TEC: variants seen among roughly 807,000 people sequenced by gnomAD.
TEC encodes the protein tyrosine-protein kinase Tec.
A neutral mutation model predicts 93.0 loss-of-function variants in TEC; 72 were observed. The observed-to-expected ratio is 0.77, with a 90% CI of 0.64 to 0.94. The LOEUF (loss-of-function observed/expected upper bound fraction) is 0.94, where lower values mean the gene tolerates loss of function less well. Among genes scored for constraint, TEC ranks in the 40% least tolerant of loss-of-function variants. The pLI, the probability that TEC is intolerant of heterozygous loss-of-function variation, is 0.00. For synonymous variants in TEC, 249 were observed against 247.7 expected (o/e 1.01, Z -0.05); for missense variants, 630 against 757.9 (o/e 0.83, Z 1.98).
intron 1 of TEC, among the ~76,000 whole-genome samples, chr4:48,234,407 T>C (rs751636941): frequency 1.2e-4 from 18 of 151,988 alleles, no homozygotes; most frequent in Non-Finnish European, 2.4e-4. Flanking sequence ...CCTCCCCCAA[T>C]AGATGATGAA....
intron 1 of TEC, among the ~76,000 whole-genome samples, chr4:48,260,307 G>A (rs1377517483): frequency 2.0e-5 from 3 of 152,176 alleles, no homozygotes; most frequent in Non-Finnish European, 4.4e-5. Context: ...AAATCAGTCA[G>A]GTGTGGTGGC....
chr4:48,169,013 GAC>G (rs1720993099), intron 5 of TEC, among the ~76,000 whole-genome samples: 1 of 152,168 alleles, frequency 6.6e-6, no homozygotes, highest in Non-Finnish European at 1.5e-5. Context: ...AGTTTTGGCT[GAC>G]ACATGGCTAC....
At chr4:48,224,415 C>T (rs543934807) in intron 2 of TEC, among the ~76,000 whole-genome samples, 100 of 152,168 alleles carry the variant, frequency 6.6e-4, no homozygotes, top group African/African-American at 2.4e-3. Flanking sequence ...AACTCCAGTG[C>T]TGCTCTTCCT....
chr4:48,194,231 T>C (rs969494562), intron 2 of TEC, among the ~76,000 whole-genome samples: 1 of 152,236 alleles, frequency 6.6e-6, no homozygotes, highest in Non-Finnish European at 1.5e-5. Context: ...ACCCTGCCTA[T>C]ATCTAGCCAG....
chr4:48,262,201 C>CT lies in TEC; in HGVS notation c.-46+7550dup, dbSNP rs10659576. ...CTTGGGTAATTGTGACCAAATGTCT[C>CT]TTTTTTTTTTTTTGAGACGGAGTCT... On this transcript the variant is annotated intron_variant, in intron 1 of 17. Transcript: ENST00000381501. Among the ~76,000 whole-genome samples, 13 of 80,218 alleles carry CT rather than the reference C, an allele frequency of 1.6e-4. 1 individual carries two copies. Among genetic ancestry groups the CT allele is most frequent in the African/African-American group, 3.6e-4 (9 of 24,664 alleles). 52.6% of individuals were successfully genotyped at this position (80,218 alleles called of 152,430 possible).
chr4:48,182,980 C>G (rs1457427795), intron 2 of TEC, among the ~76,000 whole-genome samples: 1 of 152,162 alleles, frequency 6.6e-6, no homozygotes, highest in African/African-American at 2.4e-5. Context: ...GGTGTCCCTC[C>G]AATATTCCAA....
At chr4:48,226,936 T>C (rs1299448735) in intron 2 of TEC, among the ~76,000 whole-genome samples, 1 of 152,236 alleles carries the variant, frequency 6.6e-6, no homozygotes, top group Non-Finnish European at 1.5e-5. Flanking sequence ...TTAAATTTTT[T>C]AGATTTAACA....
chr4:48,168,658 A>G (rs1720975113), intron 5 of TEC, 32 bp from the exon 6 acceptor site: 1 of 1,593,700 alleles, frequency 6.3e-7, no homozygotes, highest in Admixed American at 1.9e-5. Flanking sequence ...ACAGATTAAA[A>G]TGCTATCTAC....
rs1719392996 is a variant in TEC at position 48,135,919 on chromosome 4, T to TC, written c.*1496dup. On this transcript the variant is annotated 3_prime_UTR_variant, in exon 18 of 18. Coordinates refer to ENST00000381501, the MANE Select transcript of TEC (RefSeq NM_003215.3). ...GATGAAATGAAATGGTTCTCCAGGG[T>TC]CAGAGTGAAGGCGCTGCCCAGAGCA... is the stretch of plus-strand genomic sequence containing the variant. 1 of 152,176 alleles carries TC rather than the reference T, an allele frequency of 6.6e-6. No individual in the cohort carries two copies. Among genetic ancestry groups the TC allele is most frequent in the African/African-American group, 2.4e-5 (1 of 41,416 alleles). 9.4% of individuals were successfully genotyped at this position (152,176 alleles called of 1,614,324 possible). A position where few individuals can be genotyped will look rare whatever the true frequency, so the allele number is the denominator to read the frequency against.
At chr4:48,170,588 G>T (rs1721059674) in intron 4 of TEC, among the ~76,000 whole-genome samples, 1 of 152,132 alleles carries the variant, frequency 6.6e-6, no homozygotes, top group Non-Finnish European at 1.5e-5. Context: ...TAGCAGAAAT[G>T]ACTGCTGCTA....
intron 2 of TEC, among the ~76,000 whole-genome samples, chr4:48,215,769 T>C (rs1448604506): frequency 1.3e-5 from 2 of 152,166 alleles, no homozygotes; most frequent in Admixed American, 6.5e-5. Context: ...AACCATATTA[T>C]TGACACTGTA....
chr4:48,158,774 A>C (rs1166375071), intron 8 of TEC, among the ~76,000 whole-genome samples: 5 of 152,180 alleles, frequency 3.3e-5, no homozygotes, highest in Non-Finnish European at 7.4e-5. Flanking sequence ...TTCCTCATCT[A>C]CTGTTTCCAG....
intron 1 of TEC, among the ~76,000 whole-genome samples, chr4:48,241,567 G>A (rs1723923900): frequency 6.6e-6 from 1 of 152,102 alleles, no homozygotes; most frequent in Non-Finnish European, 1.5e-5. Flanking sequence ...AGCCCTTTGT[G>A]GTTCAAGTCA....
intron 1 of TEC, among the ~76,000 whole-genome samples, chr4:48,246,417 C>G (rs1724057488): frequency 6.7e-6 from 1 of 150,220 alleles, no homozygotes; most frequent in Non-Finnish European, 1.5e-5. Flanking sequence ...CAGAACTGGA[C>G]AAGGTGATTC....
intron 15 of TEC, among the ~76,000 whole-genome samples, chr4:48,141,057 A>G (rs1719637522): frequency 2.0e-5 from 3 of 152,212 alleles, no homozygotes. Context: ...AATTATAAAA[A>G]TTAAGAGAAG....
intron 1 of TEC, among the ~76,000 whole-genome samples, chr4:48,233,816 CAA>C (rs34535018): frequency 7.3e-6 from 1 of 136,362 alleles, no homozygotes; most frequent in Non-Finnish European, 1.6e-5. Flanking sequence ...GAAACTCTCC[CAA>C]AAAAAAAAAA....
At chr4:48,186,064 G>T (rs2109573338) in intron 2 of TEC, among the ~76,000 whole-genome samples, 1 of 152,322 alleles carries the variant, frequency 6.6e-6, no homozygotes, top group East Asian at 1.9e-4. Flanking sequence ...TCGCCATGTT[G>T]GCCGGGCTGG....
At chr4:48,194,257 G>A (rs1243793678) in intron 2 of TEC, among the ~76,000 whole-genome samples, 1 of 152,226 alleles carries the variant, frequency 6.6e-6, no homozygotes, top group African/African-American at 2.4e-5. Context: ...CTACAAAGAA[G>A]AGCCCCACTC....
intron 3 of TEC, among the ~76,000 whole-genome samples, chr4:48,173,564 C>T (rs1195571336): frequency 6.6e-6 from 1 of 152,172 alleles, no homozygotes; most frequent in East Asian, 1.9e-4. Flanking sequence ...AGTCATCCTA[C>T]CACAGCAGAG....
Sources: gnomAD v4.1 joint callset for allele counts (sites outside exome capture counted in the v4.1 genomes callset) on GRCh38, gnomAD v4.1.1 for gene constraint, MANE v1.5 for transcripts, NCBI Gene and HGNC (gene_info 2026-07-23, HGNC 2026-07-21) for gene names.